Variants in MCC observed in about 807,000 individuals in gnomAD.
MCC encodes the protein MCC regulator of Wnt signaling pathway, also known as colorectal mutant cancer protein.
In MCC, 90 loss-of-function variants were observed where a neutral mutation model predicts 116.2. The observed-to-expected ratio is 0.77, with a 90% CI of 0.65 to 0.92. The LOEUF (loss-of-function observed/expected upper bound fraction) is 0.92, where lower values mean the gene tolerates loss of function less well. MCC is among the 40% of genes least tolerant of loss of function. MCC has a pLI of 0.00. For synonymous variants in MCC, 578 were observed against 510.5 expected (o/e 1.13, Z -1.78); for missense variants, 1,516 against 1,312.2 (o/e 1.16, Z -2.40).
intron 3 of MCC, among the ~76,000 whole-genome samples, chr5:113,290,879 C>T (rs1211028166): frequency 6.6e-6 from 1 of 152,104 alleles, no homozygotes; most frequent in African/African-American, 2.4e-5. Context: ...AAAAAAAAAT[C>T]CCTTCAAATC....
chr5:113,036,560 T>A (rs1465958162), intron 17 of MCC, among the ~76,000 whole-genome samples: 1 of 152,226 alleles, frequency 6.6e-6, no homozygotes, highest in Non-Finnish European at 1.5e-5. Flanking sequence ...GGTATGTCGG[T>A]GGCTGTGTTT....
At chr5:113,354,681 C>T (rs942471560) in intron 2 of MCC, among the ~76,000 whole-genome samples, 25 of 151,698 alleles carry the variant, frequency 1.6e-4, no homozygotes, top group African/African-American at 5.8e-4. Context: ...GTGATCTGCC[C>T]GCCTCGGCCT....
At chr5:113,290,348 T>C (rs984714107) in intron 3 of MCC, among the ~76,000 whole-genome samples, 4 of 152,262 alleles carry the variant, frequency 2.6e-5, no homozygotes, top group African/African-American at 7.2e-5. Context: ...GTCTGTCCAT[T>C]GTTTAAATAA....
chr5:113,035,188 A>T (rs1751248221), intron 17 of MCC, among the ~76,000 whole-genome samples: 1 of 152,188 alleles, frequency 6.6e-6, no homozygotes, highest in African/African-American at 2.4e-5. Flanking sequence ...CCAGTCACTC[A>T]TTGGGCTCAG....
At chr5:113,488,221 G>A (rs1772601172) in intron 1 of MCC, 24 bp downstream of exon 1, 1 of 1,580,182 alleles carries the variant, frequency 6.3e-7, no homozygotes, top group Non-Finnish European at 8.6e-7. Context: ...GCTCCTGTCG[G>A]TTTCCTCGTA....
At chr5:113,437,016 CTTG>C (rs1207536971) in intron 1 of MCC, 2 of 151,270 alleles carry the variant, frequency 1.3e-5, no homozygotes, top group Non-Finnish European at 2.9e-5. Context: ...CCTTTGGGCA[CTTG>C]TTGTCAGGAT....
intron 2 of MCC, among the ~76,000 whole-genome samples, chr5:113,367,637 G>GT (rs141627023): frequency 0.068 from 6,473 of 95,878 alleles, 316 homozygotes; most frequent in Middle Eastern, 0.11. Context: ...GGTGGGGGGG[G>GT]GGAAGAGAGA....
intron 3 of MCC, among the ~76,000 whole-genome samples, chr5:113,225,956 T>C (rs1265642246): frequency 6.6e-6 from 1 of 152,250 alleles, no homozygotes; most frequent in Non-Finnish European, 1.5e-5. Flanking sequence ...GCGGATCACT[T>C]GAGGCCAGGG....
At chr5:113,301,110 A>G (rs1766850779) in intron 3 of MCC, among the ~76,000 whole-genome samples, 1 of 152,214 alleles carries the variant, frequency 6.6e-6, no homozygotes, top group Admixed American at 6.5e-5. Flanking sequence ...TGGGATGGAA[A>G]AGATCCCTGC....
chr5:113,375,535 G>A (rs1028223269), intron 2 of MCC, among the ~76,000 whole-genome samples: 2 of 152,114 alleles, frequency 1.3e-5, no homozygotes, highest in Admixed American at 6.5e-5. Context: ...AGCTGGGCTG[G>A]GCTTAGCTGA....
At chr5:113,245,064 G>C (rs1764519246) in intron 3 of MCC, among the ~76,000 whole-genome samples, 1 of 152,120 alleles carries the variant, frequency 6.6e-6, no homozygotes, top group Non-Finnish European at 1.5e-5. Context: ...GGCTGAGGCA[G>C]GCAGATCACC....
chr5:113,250,663 C>A (rs1304599465), intron 3 of MCC, among the ~76,000 whole-genome samples: 1 of 152,214 alleles, frequency 6.6e-6, no homozygotes, highest in Non-Finnish European at 1.5e-5. Flanking sequence ...GTGCATGGAA[C>A]TGTTTGTGTA....
intron 6 of MCC, among the ~76,000 whole-genome samples, chr5:113,116,898 G>A (rs1757428631): frequency 6.6e-6 from 1 of 152,136 alleles, no homozygotes; most frequent in African/African-American, 2.4e-5. Flanking sequence ...TGGTTCTCAG[G>A]GATGATCCCT....
rs192198028 is a variant in MCC, at chr5:113,433,772, C to A, written c.171-48560G>T. 1.0e-4 allele frequency: 167 copies of A among 1,613,818 alleles called. 4 individuals carry two copies. In the East Asian group the frequency reaches 3.6e-3, roughly 34 times the overall value. ...GCGTCTCTGGAGGCTGTTGGGGGGG[C>A]CCTTCCTCTGTCTCCATAGTCGACG... On this transcript the variant is annotated intron_variant, in intron 1 of 18. Coordinates refer to ENST00000408903, the MANE Select transcript of MCC (RefSeq NM_001085377.2).
At chr5:113,049,021 G>T in intron 16 of MCC, 72 bp downstream of exon 16, 1 of 1,428,388 alleles carries the variant, frequency 7.0e-7, no homozygotes, top group Non-Finnish European at 9.8e-7. Context: ...GGTGAGGTGT[G>T]GCCAGTGGTC....
chr5:113,380,879 A>T (rs1454458177), intron 2 of MCC, among the ~76,000 whole-genome samples: 1 of 152,224 alleles, frequency 6.6e-6, no homozygotes, highest in Non-Finnish European at 1.5e-5. Context: ...TGTGGCAAAC[A>T]TGGTAAGTCA....
intron 3 of MCC, among the ~76,000 whole-genome samples, chr5:113,231,874 T>C (rs983005549): frequency 2.6e-5 from 4 of 152,192 alleles, no homozygotes; most frequent in Non-Finnish European, 5.9e-5. Context: ...ATCCAAATCA[T>C]TGTCTACCTT....
intron 3 of MCC, among the ~76,000 whole-genome samples, chr5:113,266,361 C>T (rs541558165): frequency 5.1e-4 from 77 of 152,230 alleles, no homozygotes; most frequent in African/African-American, 1.6e-3. Context: ...TACCCAGCAA[C>T]GATCAATGAT....
intron 3 of MCC, among the ~76,000 whole-genome samples, chr5:113,265,931 A>ATAC (rs10644586): frequency 0.022 from 3,360 of 152,030 alleles, 83 homozygotes; most frequent in African/African-American, 0.062. Context: ...TGAATAGACA[A>ATAC]TACCTTAAAT....
Sources: gnomAD v4.1 joint callset for allele counts (sites outside exome capture counted in the v4.1 genomes callset) on GRCh38, gnomAD v4.1.1 for gene constraint, MANE v1.5 for transcripts, NCBI Gene and HGNC (gene_info 2026-07-23, HGNC 2026-07-21) for gene names.